CCDC138: variants seen among roughly 807,000 people sequenced by gnomAD.
CCDC138 encodes coiled-coil domain containing 138.
Under a neutral mutation model 82.3 loss-of-function variants are expected in CCDC138, and 66 were observed. That is an observed-to-expected ratio of 0.80 (90% confidence interval 0.66 to 0.98). The LOEUF is 0.98. Among genes scored for constraint, CCDC138 ranks in the 50% least tolerant of loss-of-function variants. The pLI is 0.00. For synonymous variants in CCDC138, 297 were observed against 265.4 expected (o/e 1.12, Z -1.16); for missense variants, 816 against 758.9 (o/e 1.08, Z -0.88).
chr2:108,797,597 G>A (rs1362830228), intron 5 of CCDC138, among the ~76,000 whole-genome samples: 1 of 152,094 alleles, frequency 6.6e-6, no homozygotes. Context: ...CAAAATAATA[G>A]AGGGATAATC....
intron 13 of CCDC138, among the ~76,000 whole-genome samples, chr2:108,870,516 T>C (rs1282550371): frequency 6.6e-6 from 1 of 152,120 alleles, no homozygotes; most frequent in African/African-American, 2.4e-5. Context: ...ACTCAAGGAA[T>C]CCACATTTGA....
chr2:108,824,060 G>C (rs568035777), intron 10 of CCDC138, among the ~76,000 whole-genome samples: 10 of 152,210 alleles, frequency 6.6e-5, no homozygotes, highest in African/African-American at 2.4e-4. Context: ...AAGTTGCTCT[G>C]GGAGAGTCAG....
chr2:108,864,282 A>G lies in CCDC138; in HGVS notation c.1693+7312A>G, dbSNP rs75364744. Among the ~76,000 whole-genome samples the G allele has an allele frequency of 2.6e-4, 39 of 150,374 alleles. 1 individual carries two copies. In the East Asian group the frequency reaches 7.1e-3, roughly 27 times the overall value. ...TCCAGATGATGAACACGCTATTTTTATTTATTTATTAAAAAAAGATTAAAG... is the reference window on the plus strand; with the variant it reads ...TCCAGATGATGAACACGCTATTTTTGTTTATTTATTAAAAAAAGATTAAAG... On this transcript the variant is annotated intron_variant, in intron 13 of 14. Coordinates refer to ENST00000295124, the MANE Select transcript of CCDC138 (RefSeq NM_144978.3).
chr2:108,854,054 T>G (rs1692197190), intron 12 of CCDC138, among the ~76,000 whole-genome samples: 1 of 84,392 alleles, frequency 1.2e-5, no homozygotes, highest in African/African-American at 4.9e-5. Flanking sequence ...AATAAATTTA[T>G]ATTATATATA....
At chr2:108,882,913 CCTTGT>C (rs1221565532) in intron 2 of CCDC138, 1 of 151,650 alleles carries the variant, frequency 6.6e-6, no homozygotes, top group East Asian at 1.9e-4. Context: ...CTAAAAAAGA[CCTTGT>C]CTTCTTTATA....
At chr2:108,868,214 C>G (rs1694712267) in intron 13 of CCDC138, among the ~76,000 whole-genome samples, 1 of 151,938 alleles carries the variant, frequency 6.6e-6, no homozygotes, top group Admixed American at 6.6e-5. Flanking sequence ...CGTTTATTTT[C>G]TTAAGTTACT....
chr2:108,840,590 T>C (rs939797404), intron 11 of CCDC138, among the ~76,000 whole-genome samples: 9 of 152,174 alleles, frequency 5.9e-5, no homozygotes, highest in Non-Finnish European at 8.8e-5. Flanking sequence ...CATTCAAATG[T>C]ATGCACATTT....
chr2:108,815,986 G>A lies in CCDC138; in HGVS notation c.1087G>A (p.Asp363Asn), dbSNP rs1353615615. The A allele has an allele frequency of 5.6e-6, 9 of 1,613,270 alleles. No individual in the cohort carries two copies. The Admixed American group carries it at 1.5e-4, about 27-fold the overall frequency. ...QVYELLTVFM[D>N]WISDHHLSKV... ...TTATGAACTTTTAACTGTCTTCATGGACTGGATTTCGGATCATCATCTTAG... is the reference window on the plus strand; with the variant it reads ...TTATGAACTTTTAACTGTCTTCATGAACTGGATTTCGGATCATCATCTTAG... Residue 363 changes from aspartate (D) to asparagine (N), a missense_variant, in exon 10 of 15, where the codon GAC (aspartate) becomes AAC (asparagine). Transcript: ENST00000295124.
Position 108,862,455 on chromosome 2 carries a change from T to A in CCDC138, c.1693+5485T>A, listed in dbSNP as rs143533178. On this transcript the variant is annotated intron_variant, in intron 13 of 14. Coordinates refer to ENST00000295124, the MANE Select transcript of CCDC138 (RefSeq NM_144978.3). ...TTGCATATGATGGAGGATTTTGGATTTTCAGATTAGGGATGCTCAACCTGT... is the reference window on the plus strand; with the variant it reads ...TTGCATATGATGGAGGATTTTGGATATTCAGATTAGGGATGCTCAACCTGT... 4.0e-3 allele frequency among the ~76,000 whole-genome samples: 606 copies of A among 152,272 alleles called. 1 individual carries two copies. The highest frequency in any genetic ancestry group is 7.0e-3 in the Non-Finnish European group (479 of 68,018).
intron 7 of CCDC138, among the ~76,000 whole-genome samples, chr2:108,809,774 G>A (rs1683481508): frequency 6.6e-6 from 1 of 150,510 alleles, no homozygotes; most frequent in African/African-American, 2.4e-5. Flanking sequence ...TCCAAAGAAG[G>A]ACAATTTGAC....
At chr2:108,863,237 A>G (rs770065613) in intron 13 of CCDC138, among the ~76,000 whole-genome samples, 4 of 152,214 alleles carry the variant, frequency 2.6e-5, no homozygotes, top group Non-Finnish European at 5.9e-5. Context: ...GATAATTTCA[A>G]TGAAATTATA....
At chr2:108,846,516 G>GA (rs758087504) in intron 11 of CCDC138, among the ~76,000 whole-genome samples, 7,727 of 134,914 alleles carry the variant, frequency 0.057, 216 homozygotes, top group Non-Finnish European at 0.074. Flanking sequence ...CATCTCTACC[G>GA]AAAAAAAAAA....
intron 6 of CCDC138, among the ~76,000 whole-genome samples, 172 bp downstream of exon 6, chr2:108,798,758 A>G (rs1369333447): frequency 1.6e-5 from 2 of 126,952 alleles, no homozygotes; most frequent in Non-Finnish European, 3.2e-5. Context: ...GATCCATTTG[A>G]AAGCACATTT....
intron 10 of CCDC138, among the ~76,000 whole-genome samples, chr2:108,836,051 A>G (rs1688524440): frequency 3.3e-5 from 5 of 152,182 alleles, no homozygotes; most frequent in Admixed American, 3.3e-4. Flanking sequence ...TGACGTAAAC[A>G]CTTCCCAGTA....
chr2:108,812,921 T>C lies in CCDC138; in HGVS notation c.1035T>C (p.Thr345=). ...AAGAAAAAGCACCAGTTTCAAAAAC[T>C]TACAAGGTAAGTTTGAATTATGATT... is the stretch of plus-strand genomic sequence containing the variant. ...LKQEKAPVSK[T]YKVPLNGQVY... The change falls in exon 9 of 15, where the codon ACT becomes ACC. Residue 345 remains threonine, a synonymous_variant. Coordinates refer to ENST00000295124, the MANE Select transcript of CCDC138 (RefSeq NM_144978.3). 1.9e-6 allele frequency: 3 copies of C among 1,613,342 alleles called. No individual in the cohort carries two copies. The highest frequency in any genetic ancestry group is 2.5e-6 in the Non-Finnish European group (3 of 1,179,612).
At chr2:108,866,660 G>A (rs887311351) in intron 13 of CCDC138, among the ~76,000 whole-genome samples, 7 of 152,146 alleles carry the variant, frequency 4.6e-5, no homozygotes, top group African/African-American at 1.7e-4. Context: ...TGAGGCAGGT[G>A]GATCACGAGG....
At chr2:108,831,188 G>GA (rs1477748001) in intron 10 of CCDC138, among the ~76,000 whole-genome samples, 2 of 151,428 alleles carry the variant, frequency 1.3e-5, no homozygotes, top group African/African-American at 2.4e-5. Flanking sequence ...CAAAAAAAAA[G>GA]AAAAAAAATC....
At chr2:108,820,712 A>AAACC (rs79891738) in intron 10 of CCDC138, among the ~76,000 whole-genome samples, 1 of 22,606 alleles carries the variant, frequency 4.4e-5, no homozygotes, top group East Asian at 3.7e-3. Flanking sequence ...AAAAAAAAAA[A>AAACC]AAACAAACAA....
chr2:108,823,955 C>A (rs1686139542), intron 10 of CCDC138, among the ~76,000 whole-genome samples: 3 of 151,606 alleles, frequency 2.0e-5, no homozygotes, highest in Admixed American at 2.0e-4. Context: ...CCAGCCTGGG[C>A]CACAGAGTGA....
Sources: allele counts gnomAD v4.1 joint callset (sites outside exome capture counted in the v4.1 genomes callset), GRCh38; gene constraint gnomAD v4.1.1; transcripts MANE v1.5; gene names NCBI Gene and HGNC (gene_info 2026-07-23, HGNC 2026-07-21).